The following SPOCK1 variants were observed in gnomAD, a reference collection of about 807,000 sequenced individuals.
SPOCK1 encodes the protein SPARC (osteonectin), cwcv and kazal like domains proteoglycan 1.
A neutral mutation model predicts 55.3 loss-of-function variants in SPOCK1; 23 were observed. The observed-to-expected ratio is 0.42, with a 90% CI of 0.30 to 0.59. SPOCK1 has a LOEUF of 0.59. Among genes scored for constraint, SPOCK1 ranks in the 20% least tolerant of loss-of-function variants. SPOCK1 has a pLI of 0.22. For synonymous variants in SPOCK1, 226 were observed against 221.0 expected (o/e 1.02, Z -0.20); for missense variants, 499 against 552.5 (o/e 0.90, Z 0.97).
At chr5:137,359,842 T>C (rs774956593) in intron 2 of SPOCK1, among the ~76,000 whole-genome samples, 15 of 152,202 alleles carry the variant, frequency 9.9e-5, no homozygotes, top group Non-Finnish European at 1.6e-4. Flanking sequence ...TTTCTCTACA[T>C]CACTTGCACA....
In SPOCK1 at chr5:137,376,773, T is replaced by A. The variant is rs755500957; in HGVS notation, c.187-109718A>T. 3.2e-4 allele frequency among the ~76,000 whole-genome samples: 48 copies of A among 152,150 alleles called. 1 individual carries two copies. Among genetic ancestry groups the A allele is most frequent in the Non-Finnish European group, 5.0e-4 (34 of 68,036 alleles). The stretch of plus-strand genomic sequence containing the variant: ...CTGTATACTGACTCTCTGCAAGCTG[T>A]CTCCAACCTTTGTCTATATAGATGC... On this transcript the variant is annotated intron_variant, in intron 2 of 10. Transcript: ENST00000394945.
intron 2 of SPOCK1, 24 bp from the exon 3 acceptor site, chr5:137,267,079 C>G (rs889310028): frequency 1.2e-6 from 2 of 1,604,462 alleles, no homozygotes; most frequent in Admixed American, 3.3e-5. Context: ...AAATAGAAAA[C>G]AAAGGTCAGA....
intron 6 of SPOCK1, among the ~76,000 whole-genome samples, chr5:137,054,620 G>A (rs916110853): frequency 1.3e-5 from 2 of 152,140 alleles, no homozygotes; most frequent in African/African-American, 4.8e-5. Flanking sequence ...CGCCAACAAG[G>A]AAAGCCACCC....
chr5:137,364,085 C>T (rs1425638637), intron 2 of SPOCK1, among the ~76,000 whole-genome samples: 2 of 152,230 alleles, frequency 1.3e-5, no homozygotes, highest in Non-Finnish European at 2.9e-5. Context: ...TCATCTCCTG[C>T]TTCTGATTCT....
intron 3 of SPOCK1, among the ~76,000 whole-genome samples, chr5:137,166,833 G>A (rs1468053113): frequency 6.6e-6 from 1 of 151,704 alleles, no homozygotes; most frequent in Non-Finnish European, 1.5e-5. Context: ...AAAAACAAAA[G>A]GCAAGAAATT....
chr5:137,458,533 C>A (rs901420690), intron 2 of SPOCK1, among the ~76,000 whole-genome samples: 2 of 152,280 alleles, frequency 1.3e-5, no homozygotes, highest in Admixed American at 1.3e-4. Flanking sequence ...GAATCTTGAC[C>A]TTCACTCAAG....
chr5:137,415,961 C>T (rs921063765), intron 2 of SPOCK1, among the ~76,000 whole-genome samples: 1 of 151,942 alleles, frequency 6.6e-6, no homozygotes, highest in East Asian at 1.9e-4. Flanking sequence ...CTCAATGAAC[C>T]TCAGTCACAG....
At chr5:137,309,675 G>T (rs1156821798) in intron 2 of SPOCK1, among the ~76,000 whole-genome samples, 1 of 152,094 alleles carries the variant, frequency 6.6e-6, no homozygotes, top group Non-Finnish European at 1.5e-5. Flanking sequence ...CCCAAATCCT[G>T]GTCCTGCCAC....
At chr5:137,277,321 G>A (rs966141042) in intron 2 of SPOCK1, among the ~76,000 whole-genome samples, 1 of 152,174 alleles carries the variant, frequency 6.6e-6, no homozygotes, top group Non-Finnish European at 1.5e-5. Flanking sequence ...ATAATCATCT[G>A]AGACAAGCAT....
intron 4 of SPOCK1, among the ~76,000 whole-genome samples, chr5:137,122,113 TAA>T (rs1753696924): frequency 6.6e-6 from 1 of 151,832 alleles, no homozygotes; most frequent in Admixed American, 6.6e-5. Context: ...CACTTTCCAT[TAA>T]GAGAGTGACA....
At chr5:137,437,607 T>C (rs1362189723) in intron 2 of SPOCK1, among the ~76,000 whole-genome samples, 3 of 152,240 alleles carry the variant, frequency 2.0e-5, no homozygotes, top group African/African-American at 7.2e-5. Flanking sequence ...CAATTTTTAA[T>C]TGATGTATAA....
intron 2 of SPOCK1, among the ~76,000 whole-genome samples, chr5:137,343,625 A>G (rs1177569478): frequency 1.3e-5 from 2 of 152,216 alleles, no homozygotes; most frequent in Non-Finnish European, 2.9e-5. Flanking sequence ...ATGAAATCCC[A>G]GATCCAACAG....
chr5:137,406,255 G>T (rs1406153008), intron 2 of SPOCK1, among the ~76,000 whole-genome samples: 1 of 152,192 alleles, frequency 6.6e-6, no homozygotes, highest in Non-Finnish European at 1.5e-5. Flanking sequence ...CCTAGTGCTT[G>T]ACGCCAGTGC....
At chr5:137,160,350 TTATATAAA>T (rs1377908995) in intron 3 of SPOCK1, among the ~76,000 whole-genome samples, 241 of 132,746 alleles carry the variant, frequency 1.8e-3, no homozygotes, top group African/African-American at 6.2e-3. Context: ...TTATATTATA[TTATATAAA>T]TATATAAATA....
At chr5:137,035,293 G>T (rs547833633) in intron 6 of SPOCK1, among the ~76,000 whole-genome samples, 73 of 152,182 alleles carry the variant, frequency 4.8e-4, no homozygotes, top group Non-Finnish European at 6.0e-4. Context: ...CTCCCCCAGC[G>T]GATGGCAGCT....
intron 5 of SPOCK1, among the ~76,000 whole-genome samples, chr5:137,084,095 T>G (rs1416968595): frequency 6.6e-6 from 1 of 152,166 alleles, no homozygotes; most frequent in Non-Finnish European, 1.5e-5. Flanking sequence ...TTCAGCTCAG[T>G]GCCCAGTGCA....
intron 3 of SPOCK1, among the ~76,000 whole-genome samples, chr5:137,214,224 A>G (rs1312755244): frequency 6.6e-6 from 1 of 152,118 alleles, no homozygotes; most frequent in East Asian, 1.9e-4. Context: ...TTTTATTTCT[A>G]TTTTACAAAG....
At chr5:137,105,014 G>A (rs1217921583) in intron 5 of SPOCK1, among the ~76,000 whole-genome samples, 1 of 152,124 alleles carries the variant, frequency 6.6e-6, no homozygotes, top group Non-Finnish European at 1.5e-5. Flanking sequence ...GACTGTTGGT[G>A]TCCACTGTGG....
At position 137,071,169 on chromosome 5, in the gene SPOCK1, T is replaced by C. The variant is rs139293930; in HGVS notation, c.475-3340A>G. On this transcript the variant is annotated intron_variant, in intron 5 of 10. Transcript: ENST00000394945. ...TCATGAGTAGCTGGGACTACAGACATGTTTTGTAGAGATAGGGTCTCACTA... is the reference window on the plus strand; with the variant it reads ...TCATGAGTAGCTGGGACTACAGACACGTTTTGTAGAGATAGGGTCTCACTA... Among the ~76,000 whole-genome samples, 8 of 152,064 alleles carry C rather than the reference T, an allele frequency of 5.3e-5. No individual in the cohort carries two copies. In the East Asian group the frequency reaches 1.6e-3, roughly 29 times the overall value.
Sources: allele counts gnomAD v4.1 joint callset (sites outside exome capture counted in the v4.1 genomes callset), GRCh38; gene constraint gnomAD v4.1.1; transcripts MANE v1.5; gene names NCBI Gene and HGNC (gene_info 2026-07-23, HGNC 2026-07-21).